The following CCDC171 variants were observed in gnomAD, a reference collection of about 807,000 sequenced individuals.
CCDC171 encodes the protein coiled-coil domain containing 171, also known as coiled-coil domain-containing protein 171.
Under a neutral mutation model 168.2 loss-of-function variants are expected in CCDC171, and 177 were observed. The observed-to-expected ratio is 1.05, with a 90% confidence interval of 0.93 to 1.19. The LOEUF (loss-of-function observed/expected upper bound fraction) is 1.19, where lower values mean the gene tolerates loss of function less well. Among genes scored for constraint, CCDC171 ranks in the 50% most tolerant of loss-of-function variants. CCDC171 has a pLI of 0.00. For missense variants in CCDC171, 1,991 were observed against 1,539.0 expected, an observed-to-expected ratio of 1.29 and a Z score of -4.91; for synonymous variants, 687 against 540.8, an observed-to-expected ratio of 1.27 and a Z score of -3.75.
intron 21 of CCDC171, among the ~76,000 whole-genome samples, chr9:15,836,262 G>A (rs1461500882): frequency 1.3e-5 from 2 of 152,178 alleles, no homozygotes; most frequent in Admixed American, 6.5e-5. Context: ...TTCATCATGG[G>A]TCAGCTGTGT....
intron 6 of CCDC171, among the ~76,000 whole-genome samples, chr9:15,595,739 A>G (rs200687818): frequency 2.6e-5 from 4 of 151,844 alleles, no homozygotes; most frequent in Non-Finnish European, 5.9e-5. Context: ...TTCCACAATG[A>G]TTGAGCTAGT....
chr9:15,867,036 C>G (rs762343796), intron 23 of CCDC171, among the ~76,000 whole-genome samples: 14 of 152,090 alleles, frequency 9.2e-5, no homozygotes, highest in South Asian at 8.3e-4. Context: ...TTCACTTTGC[C>G]TAATCAAGAC....
intron 21 of CCDC171, among the ~76,000 whole-genome samples, chr9:15,832,314 T>G (rs906418412): frequency 1.3e-5 from 2 of 152,222 alleles, no homozygotes; most frequent in African/African-American, 4.8e-5. Flanking sequence ...TGAGGTTACA[T>G]TTTCATTTGA....
intron 25 of CCDC171, among the ~76,000 whole-genome samples, chr9:15,951,357 T>TCCTA (rs1829143438): frequency 6.6e-6 from 1 of 152,122 alleles, no homozygotes; most frequent in African/African-American, 2.4e-5. Context: ...ATTCCAAAAT[T>TCCTA]GACCACATAC....
intron 7 of CCDC171, among the ~76,000 whole-genome samples, chr9:15,644,678 A>G (rs1231287636): frequency 6.6e-6 from 1 of 152,230 alleles, no homozygotes; most frequent in Non-Finnish European, 1.5e-5. Context: ...ACTGCAAGGC[A>G]GCAGCGAGGC....
At chr9:15,773,069 G>A (rs575715883) in intron 18 of CCDC171, among the ~76,000 whole-genome samples, 38 of 151,768 alleles carry the variant, frequency 2.5e-4, no homozygotes, top group African/African-American at 7.0e-4. Flanking sequence ...TATTTTAAAC[G>A]TTACTAATTA....
intron 6 of CCDC171, among the ~76,000 whole-genome samples, chr9:16,030,632 C>T (rs1442630408): frequency 6.6e-6 from 1 of 152,152 alleles, no homozygotes; most frequent in African/African-American, 2.4e-5. Flanking sequence ...CCAGGAGGTC[C>T]CATGCTTGGT....
At chr9:15,874,786 T>A (rs1219255585) in intron 24 of CCDC171, 123 bp downstream of exon 24, 1 of 951,460 alleles carries the variant, frequency 1.1e-6, no homozygotes, top group Non-Finnish European at 1.4e-6. Context: ...TAGATGTTTC[T>A]TCATTTTTCT....
chr9:15,966,843 C>T (rs924109235), intron 25 of CCDC171, among the ~76,000 whole-genome samples: 3 of 151,738 alleles, frequency 2.0e-5, no homozygotes, highest in Admixed American at 6.6e-5. Flanking sequence ...GAACTGGTAA[C>T]TACCATATGA....
chr9:15,777,596 G>A lies in CCDC171; in HGVS notation c.2672-4G>A, dbSNP rs1473838067. 7.5e-6 allele frequency: 12 copies of A among 1,590,018 alleles called. No individual in the cohort carries two copies. The highest frequency in any genetic ancestry group is 1.0e-5 in the Non-Finnish European group (12 of 1,169,566). On this transcript the variant is annotated splice_region_variant and splice_polypyrimidine_tract_variant and intron_variant, in intron 18 of 25. Transcript: ENST00000380701. ...TTTGTGCCTTTTTTTCTTTTTCTTT[G>A]AAGATCCAAATTCCAGAATTTGTGG...
chr9:15,649,192 C>A (rs1403466505), intron 7 of CCDC171, among the ~76,000 whole-genome samples: 1 of 152,108 alleles, frequency 6.6e-6, no homozygotes, highest in East Asian at 1.9e-4. Flanking sequence ...ACTGGCTAGC[C>A]ATATGTAGAA....
intron 25 of CCDC171, among the ~76,000 whole-genome samples, chr9:15,948,546 T>C (rs1250959490): frequency 1.3e-5 from 2 of 151,994 alleles, no homozygotes; most frequent in African/African-American, 2.4e-5. Flanking sequence ...TATCTCATTG[T>C]GGTTTTGATT....
chr9:15,865,384 T>TTTTGTG (rs113106328), intron 23 of CCDC171, among the ~76,000 whole-genome samples: 1 of 150,434 alleles, frequency 6.6e-6, no homozygotes, highest in Non-Finnish European at 1.5e-5. Context: ...TTTGTCATAT[T>TTTTGTG]TGTGTGTGTG....
At chr9:15,575,157 CTTTTTTT>C (rs57272096) in intron 3 of CCDC171, among the ~76,000 whole-genome samples, 30 of 86,910 alleles carry the variant, frequency 3.5e-4, no homozygotes, top group Middle Eastern at 8.1e-3. Context: ...GACATAACTA[CTTTTTTT>C]TTTTTTTTTT....
chr9:15,727,951 A>G lies in CCDC171; in HGVS notation c.1775A>G (p.Asp592Gly), dbSNP rs937626169. ...ATAAAACAACCAGAAGGCATGCTGG[A>G]TAAATTCTCTTGGTCTGAGCTTTGT... is the stretch of plus-strand genomic sequence containing the variant. ...VLIKQPEGML[D>G]KFSWSELCAV... The change falls in exon 15 of 26, where the codon GAT becomes GGT. Residue 592 changes from aspartate to glycine, a missense_variant. Coordinates refer to ENST00000380701, the MANE Select transcript of CCDC171 (RefSeq NM_173550.4). The G allele has an allele frequency of 4.3e-6, 7 of 1,613,410 alleles. No individual in the cohort carries two copies. The highest frequency in any genetic ancestry group is 1.6e-4 in the Middle Eastern group (1 of 6,076).
intron 18 of CCDC171, chr9:15,776,323 C>T (rs2057326393): frequency 6.6e-6 from 1 of 152,114 alleles, no homozygotes; most frequent in South Asian, 2.1e-4. Flanking sequence ...TGATTGTTAA[C>T]AAAAGGACTG....
At chr9:15,962,520 A>G (rs941684121) in intron 25 of CCDC171, among the ~76,000 whole-genome samples, 1 of 152,192 alleles carries the variant, frequency 6.6e-6, no homozygotes, top group Non-Finnish European at 1.5e-5. Context: ...CTGCTTCACA[A>G]TGCTTTCACT....
chr9:15,732,228 T>G (rs777582000), intron 16 of CCDC171, among the ~76,000 whole-genome samples: 16 of 152,106 alleles, frequency 1.1e-4, no homozygotes, highest in Admixed American at 2.6e-4. Flanking sequence ...TTTGGCTATT[T>G]GTTTATATAT....
At chr9:15,960,323 A>G (rs1162938422) in intron 25 of CCDC171, among the ~76,000 whole-genome samples, 2 of 152,216 alleles carry the variant, frequency 1.3e-5, no homozygotes, top group African/African-American at 4.8e-5. Flanking sequence ...TTTGTATTCC[A>G]GTACCTGGAA....
Sources: gnomAD v4.1 joint callset for allele counts (sites outside exome capture counted in the v4.1 genomes callset) on GRCh38, gnomAD v4.1.1 for gene constraint, MANE v1.5 for transcripts, NCBI Gene and HGNC (gene_info 2026-07-23, HGNC 2026-07-21) for gene names.